The following TRPC4AP variants were observed in gnomAD, a reference collection of about 807,000 sequenced individuals.
TRPC4AP encodes the protein short transient receptor potential channel 4-associated protein.
TRPC4AP carries 45 observed loss-of-function variants against 99.0 expected under a neutral mutation model. The observed-to-expected ratio is 0.45, with a 90% CI of 0.36 to 0.58. TRPC4AP has a LOEUF of 0.58. TRPC4AP is among the 20% of genes least tolerant of loss of function. The pLI is 0.00. For synonymous variants in TRPC4AP, 408 were observed against 385.8 expected (o/e 1.06, Z -0.67); for missense variants, 879 against 985.3 (o/e 0.89, Z 1.44).
At chr20:35,004,415 T>G in intron 17 of TRPC4AP, 43 bp downstream of exon 17, 2 of 1,554,506 alleles carry the variant, frequency 1.3e-6, no homozygotes, top group Non-Finnish European at 1.8e-6. Context: ...GGAAGTGGTT[T>G]CCAATCGACC....
At chr20:35,053,037 A>T (rs6058165) in intron 5 of TRPC4AP, among the ~76,000 whole-genome samples, 110,312 of 151,656 alleles carry the variant, frequency 0.73, 40,460 homozygotes, top group Middle Eastern at 0.83. Context: ...CAAATTTTTT[A>T]AAAAATTTTA....
At chr20:35,059,387 T>C (rs753991061) in intron 3 of TRPC4AP, among the ~76,000 whole-genome samples, 2 of 152,118 alleles carry the variant, frequency 1.3e-5, no homozygotes, top group African/African-American at 2.4e-5. Context: ...AGGCTGAGCA[T>C]GGTTGTTCAT....
At chr20:35,092,202 A>C (rs2085088058) in intron 1 of TRPC4AP, among the ~76,000 whole-genome samples, 1 of 152,050 alleles carries the variant, frequency 6.6e-6, no homozygotes, top group South Asian at 2.1e-4. Context: ...AATGACATTT[A>C]TGAAATGCTC....
rs201995082 is a variant in TRPC4AP at position 35,035,236 on chromosome 20, G to A, written c.938C>T (p.Thr313Met). ...CTCCTGAAGGAAGCTGGCTGTGCCCGTTGACTCTGACACCTTTCGAGTCGC... is the reference window on the plus strand; with the variant it reads ...CTCCTGAAGGAAGCTGGCTGTGCCCATTGACTCTGACACCTTTCGAGTCGC... ...KLATRKVSES[T>M]GTASFLQELE... Residue 313 changes from threonine to methionine, a missense_variant, in exon 8 of 19, where the codon ACG (threonine) becomes ATG (methionine). Thr to Met is a moderately conservative substitution (Grantham distance 81, BLOSUM62 -1). Coordinates refer to ENST00000252015, the MANE Select transcript of TRPC4AP (RefSeq NM_015638.3). The A allele has an allele frequency of 2.9e-4, 468 of 1,614,098 alleles. No individual in the cohort carries two copies. The highest frequency in any genetic ancestry group is 3.8e-4 in the Non-Finnish European group (450 of 1,180,032).
intron 16 of TRPC4AP, among the ~76,000 whole-genome samples, chr20:35,005,210 T>G (rs2082492139): frequency 6.6e-6 from 1 of 151,928 alleles, no homozygotes; most frequent in Middle Eastern, 3.4e-3. Flanking sequence ...ACAGTGACCG[T>G]GACAAGGAAC....
At chr20:35,089,844 T>TCAAAAAA (rs2084997909) in intron 1 of TRPC4AP, among the ~76,000 whole-genome samples, 5 of 152,022 alleles carry the variant, frequency 3.3e-5, no homozygotes, top group African/African-American at 1.2e-4. Context: ...AGACTCCGTC[T>TCAAAAAA]AAAAAATAAA....
At chr20:35,007,337 C>G (rs375424254) in intron 14 of TRPC4AP, among the ~76,000 whole-genome samples, 49 of 152,190 alleles carry the variant, frequency 3.2e-4, no homozygotes, top group East Asian at 2.7e-3. Flanking sequence ...TCCTGCATGG[C>G]CTGGCCACCC....
In TRPC4AP at chr20:35,004,507, G is replaced by A. The variant is rs1294859527; in HGVS notation, c.2000C>T (p.Ser667Phe). Residue 667 changes from serine to phenylalanine, a missense_variant, in exon 17 of 19, where the codon TCC becomes TTC. By Grantham distance (155) the Ser-to-Phe change is radical. Coordinates refer to ENST00000252015, the MANE Select transcript of TRPC4AP (RefSeq NM_015638.3). ...GATGTTGATGAGGCGGAAGAGGAAG[G>A]ACATCTGCGTGGGCACCTGGGATAT... ...AYISQVPTQM[S>F]FLFRLINIIH... is the part of the protein sequence containing the mutation. 1 of 1,614,158 alleles carries A rather than the reference G, an allele frequency of 6.2e-7. No individual in the cohort carries two copies. Among genetic ancestry groups the A allele is most frequent in the Non-Finnish European group, 8.5e-7 (1 of 1,179,994 alleles).
At position 35,021,369 on chromosome 20, in the gene TRPC4AP, C is replaced by A. The variant is rs1047082789; in HGVS notation, c.1052-13G>T. The A allele has an allele frequency of 1.1e-5, 17 of 1,611,838 alleles. No individual in the cohort carries two copies. Among genetic ancestry groups the A allele is most frequent in the Non-Finnish European group, 1.4e-5 (16 of 1,178,672 alleles). On this transcript the variant is annotated splice_polypyrimidine_tract_variant and intron_variant, in intron 8 of 18. Transcript: ENST00000252015. Reference sequence around the variant, plus strand: ...AACACAATGGAGGCTGACACAGCCACCGGAGACAGGATTGAGTCACAGCTT... The same window carrying A: ...AACACAATGGAGGCTGACACAGCCAACGGAGACAGGATTGAGTCACAGCTT...
intron 5 of TRPC4AP, among the ~76,000 whole-genome samples, chr20:35,052,425 A>G (rs2083727929): frequency 6.6e-6 from 1 of 152,120 alleles, no homozygotes; most frequent in Non-Finnish European, 1.5e-5. Context: ...GTATCTGTCA[A>G]GTATCTAAAT....
At chr20:35,088,402 T>G (rs548392977) in intron 1 of TRPC4AP, among the ~76,000 whole-genome samples, 8 of 152,314 alleles carry the variant, frequency 5.3e-5, no homozygotes, top group African/African-American at 1.9e-4. Context: ...AGACAGAAAT[T>G]AGACTGAGGA....
chr20:35,092,500 C>A, intron 1 of TRPC4AP, 114 bp downstream of exon 1: 2 of 1,272,852 alleles, frequency 1.6e-6, no homozygotes, highest in Non-Finnish European at 2.0e-6. Context: ...GCCTTCCGGC[C>A]AGCCAAAAGG....
chr20:35,087,869 C>T (rs1230773163), intron 1 of TRPC4AP, among the ~76,000 whole-genome samples: 1 of 152,112 alleles, frequency 6.6e-6, no homozygotes, highest in African/African-American at 2.4e-5. Flanking sequence ...AATTATGTGG[C>T]CAGTAGTCAT....
intron 8 of TRPC4AP, among the ~76,000 whole-genome samples, chr20:35,022,891 C>T (rs541833974): frequency 5.3e-4 from 81 of 152,180 alleles, no homozygotes; most frequent in African/African-American, 1.8e-3. Context: ...GGCATGGTGG[C>T]ATGCGCCTGT....
Position 35,035,304 on chromosome 20 carries a change from G to A in TRPC4AP, c.870C>T (p.Ala290=). 6.2e-7 allele frequency: 1 copy of A among 1,613,052 alleles called. No individual in the cohort carries two copies. The highest frequency in any genetic ancestry group is 8.5e-7 in the Non-Finnish European group (1 of 1,179,414). ...CAACAAAGCCAGGAATGCTGAGAAG[G>A]GCCGCTGCCAGGGAAAGAACAAGCG... is the stretch of plus-strand genomic sequence containing the variant. ...GPSAAEINQA[A]LLSIPGFVER... Residue 290 remains alanine, a synonymous_variant, in exon 8 of 19, where the codon GCC becomes GCT. Coordinates refer to ENST00000252015, the MANE Select transcript of TRPC4AP (RefSeq NM_015638.3).
At chr20:35,008,572 C>T (rs914602762) in intron 13 of TRPC4AP, 92 bp downstream of exon 13, 17 of 1,088,814 alleles carry the variant, frequency 1.6e-5, no homozygotes, top group South Asian at 1.2e-4. Context: ...GAGGCATGGA[C>T]GCTGGTGACT....
chr20:35,042,557 ATT>A (rs2083466537), intron 7 of TRPC4AP, among the ~76,000 whole-genome samples: 1 of 152,184 alleles, frequency 6.6e-6, no homozygotes, highest in Non-Finnish European at 1.5e-5. Context: ...TTAATGATAC[ATT>A]TGTATAATTT....
intron 9 of TRPC4AP, among the ~76,000 whole-genome samples, chr20:35,016,752 C>T (rs1260373891): frequency 6.6e-6 from 1 of 152,198 alleles, no homozygotes; most frequent in African/African-American, 2.4e-5. Flanking sequence ...TATGGCAAAA[C>T]TCAAGCAAAG....
At chr20:35,085,978 G>A (rs1478864688) in intron 1 of TRPC4AP, among the ~76,000 whole-genome samples, 3 of 151,856 alleles carry the variant, frequency 2.0e-5, no homozygotes, top group Admixed American at 6.6e-5. Flanking sequence ...CAAGGGTCTC[G>A]CGCAATCTCA....
Sources: gnomAD v4.1 joint callset for allele counts (sites outside exome capture counted in the v4.1 genomes callset) on GRCh38, gnomAD v4.1.1 for gene constraint, MANE v1.5 for transcripts, NCBI Gene and HGNC (gene_info 2026-07-23, HGNC 2026-07-21) for gene names.